The following CDK5RAP2 variants were observed in gnomAD, a reference collection of about 807,000 sequenced individuals.
The protein encoded by CDK5RAP2 is CDK5 regulatory subunit associated protein 2.
A neutral mutation model predicts 232.9 loss-of-function variants in CDK5RAP2; 147 were observed. The observed-to-expected ratio is 0.63, with a 90% CI of 0.55 to 0.72. The LOEUF is 0.72. CDK5RAP2 is among the 30% of genes least tolerant of loss of function. The probability of loss-of-function intolerance (pLI) is 0.00; values close to 1 mark genes in which losing one functional copy is unlikely to be tolerated. For missense variants in CDK5RAP2, 2,195 were observed against 2,231.5 expected, an observed-to-expected ratio of 0.98 and a Z score of 0.33; for synonymous variants, 833 against 833.7, an observed-to-expected ratio of 1.00 and a Z score of 0.01.
intron 35 of CDK5RAP2, among the ~76,000 whole-genome samples, chr9:120,399,469 C>G (rs975705926): frequency 6.6e-6 from 1 of 152,192 alleles, no homozygotes; most frequent in Non-Finnish European, 1.5e-5. Context: ...ACAATTATAA[C>G]TTGTTGAAAG....
rs111788955 is a variant in CDK5RAP2 at position 120,470,629 on chromosome 9, A to G, written c.1859-409T>C. Among the ~76,000 whole-genome samples, 294 of 152,098 alleles carry G rather than the reference A, an allele frequency of 1.9e-3. 2 individuals carry two copies. The highest frequency in any genetic ancestry group is 6.3e-3 in the African/African-American group (259 of 41,426). ...CCCTCAAGGGTAGAACTCAAGGGAG[A>G]TAAAAGTGTCTGATCATTTTTTTTT... On this transcript the variant is annotated intron_variant, in intron 16 of 37. Transcript: ENST00000349780.
intron 22 of CDK5RAP2, among the ~76,000 whole-genome samples, chr9:120,446,544 G>T (rs1159672977): frequency 6.6e-6 from 1 of 152,110 alleles, no homozygotes; most frequent in Non-Finnish European, 1.5e-5. Flanking sequence ...CCCACTTTAA[G>T]GCTTAAGTCA....
chr9:120,574,831 T>C (rs2042972498), intron 1 of CDK5RAP2, among the ~76,000 whole-genome samples: 1 of 151,674 alleles, frequency 6.6e-6, no homozygotes, highest in South Asian at 2.1e-4. Flanking sequence ...CTTTTTTTTT[T>C]TTTTTTTTAA....
intron 25 of CDK5RAP2, among the ~76,000 whole-genome samples, chr9:120,431,028 C>G (rs546687827): frequency 1.3e-5 from 2 of 152,046 alleles, no homozygotes; most frequent in African/African-American, 4.8e-5. Flanking sequence ...AACCAAACAC[C>G]GCATGTTCTC....
Position 120,439,661 on chromosome 9 carries a change from G to T in CDK5RAP2, c.3460C>A (p.Gln1154Lys). 1 of 1,614,156 alleles carries T rather than the reference G, an allele frequency of 6.2e-7. No homozygotes were observed. Among genetic ancestry groups the T allele is most frequent in the Non-Finnish European group, 8.5e-7 (1 of 1,180,016 alleles). The change falls in exon 24 of 38, where the codon CAG becomes AAG. Residue 1154 changes from glutamine (Q) to lysine (K), a missense_variant. Transcript: ENST00000349780. ...ITVLCGTEGAQDGLSKPKNGS... is the reference protein window; with the variant it reads ...ITVLCGTEGAKDGLSKPKNGS... ...TTCTTGGGCTTGCTCAAGCCATCCT[G>T]GGCCCCTTCTGTCCCACACAAAACT...
At chr9:120,470,259 G>C in intron 16 of CDK5RAP2, 39 bp from the exon 17 acceptor site, 1 of 993,324 alleles carries the variant, frequency 1.0e-6, no homozygotes, top group Non-Finnish European at 1.5e-6. Context: ...GGAGGGGGAG[G>C]AGAAAAAGAA....
chr9:120,443,466 T>C (rs2036011586), intron 23 of CDK5RAP2, among the ~76,000 whole-genome samples, 154 bp downstream of exon 23: 1 of 152,202 alleles, frequency 6.6e-6, no homozygotes, highest in Non-Finnish European at 1.5e-5. Context: ...GGGTCAATTA[T>C]TTCTTAAAAC....
chr9:120,423,484 A>G (rs967052886), intron 25 of CDK5RAP2, among the ~76,000 whole-genome samples: 2 of 152,218 alleles, frequency 1.3e-5, no homozygotes, highest in Non-Finnish European at 2.9e-5. Flanking sequence ...AGGGGAAATG[A>G]TTTAAAAAAA....
intron 21 of CDK5RAP2, 46 bp downstream of exon 21, chr9:120,453,410 T>G: frequency 6.5e-7 from 1 of 1,544,942 alleles, no homozygotes; most frequent in Non-Finnish European, 8.8e-7. Flanking sequence ...TTAAAGTTTT[T>G]TGTTTGGATA....
At chr9:120,413,784 A>G (rs1335617402) in intron 28 of CDK5RAP2, among the ~76,000 whole-genome samples, 1 of 141,200 alleles carries the variant, frequency 7.1e-6, no homozygotes, top group Non-Finnish European at 1.5e-5. Context: ...AGGGGGGTAT[A>G]TGCAGGAAAT....
chr9:120,514,415 G>A (rs1451525262), intron 12 of CDK5RAP2, among the ~76,000 whole-genome samples: 3 of 152,140 alleles, frequency 2.0e-5, no homozygotes, highest in Non-Finnish European at 4.4e-5. Flanking sequence ...ATAAGCATGT[G>A]ACCCAAATTG....
chr9:120,407,962 G>A, intron 31 of CDK5RAP2: 1 of 302,994 alleles, frequency 3.3e-6, no homozygotes, highest in Non-Finnish European at 6.5e-6. Context: ...CTATGTGTCA[G>A]GTATCTTGCT....
chr9:120,439,613 T>A lies in CDK5RAP2; in HGVS notation c.3508A>T (p.Thr1170Ser). 1 of 1,614,160 alleles carries A rather than the reference T, an allele frequency of 6.2e-7. No homozygotes were observed. The highest frequency in any genetic ancestry group is 8.5e-7 in the Non-Finnish European group (1 of 1,180,030). Residue 1170 changes from threonine to serine, a missense_variant, in exon 24 of 38, where the codon ACC (threonine) becomes TCC (serine). Coordinates refer to ENST00000349780, the MANE Select transcript of CDK5RAP2 (RefSeq NM_018249.6). ...PKNGSDGEEM[T>S]FSSLHQVRYV... ...CGCACTTGGTGCAAACTTGAAAAGG[T>A]CATTTCTTCCCCATCAGAACCATTC...
chr9:120,425,970 A>G (rs1029922090), intron 25 of CDK5RAP2, among the ~76,000 whole-genome samples: 2 of 152,206 alleles, frequency 1.3e-5, no homozygotes, highest in Non-Finnish European at 2.9e-5. Flanking sequence ...AGAGGAGACA[A>G]ACAGAATCTG....
chr9:120,420,549 C>T (rs1588287672), intron 26 of CDK5RAP2, among the ~76,000 whole-genome samples: 1 of 151,896 alleles, frequency 6.6e-6, no homozygotes, highest in Non-Finnish European at 1.5e-5. Context: ...TAGCAATCAT[C>T]TGGTTATTAA....
At chr9:120,563,157 G>GCCATT (rs2042522235) in intron 3 of CDK5RAP2, among the ~76,000 whole-genome samples, 1 of 152,128 alleles carries the variant, frequency 6.6e-6, no homozygotes, top group Non-Finnish European at 1.5e-5. Context: ...TCAAGTTGAG[G>GCCATT]CAAGAAGGTC....
In CDK5RAP2 at chr9:120,415,114, C is replaced by T. The variant is rs1014026370; in HGVS notation, c.4223G>A (p.Arg1408His). ...HIQEIRTLRK[R>H]LEESIKTNEK... The stretch of plus-strand genomic sequence containing the variant: ...ATTTGTTTTAATAGATTCTTCTAAA[C>T]GCTTTCTCAAAGTTCGAATTTCCTG... Residue 1408 changes from arginine (R) to histidine (H), a missense_variant, in exon 28 of 38, where the codon CGT (arginine) becomes CAT (histidine). Coordinates refer to ENST00000349780, the MANE Select transcript of CDK5RAP2 (RefSeq NM_018249.6). 28 of 1,614,048 alleles carry T rather than the reference C, an allele frequency of 1.7e-5. No homozygotes were observed. The highest frequency in any genetic ancestry group is 1.6e-4 in the Middle Eastern group (1 of 6,062).
At chr9:120,394,111 C>T (rs904342088) in intron 36 of CDK5RAP2, among the ~76,000 whole-genome samples, 4 of 152,198 alleles carry the variant, frequency 2.6e-5, no homozygotes, top group African/African-American at 9.7e-5. Flanking sequence ...CATGCTCTTC[C>T]CTGAGGGACT....
At chr9:120,442,180 G>C (rs2035939529) in intron 23 of CDK5RAP2, among the ~76,000 whole-genome samples, 1 of 152,168 alleles carries the variant, frequency 6.6e-6, no homozygotes, top group Admixed American at 6.5e-5. Context: ...TGAGGCTTAG[G>C]GAGCTTAAGA....
Sources: allele counts gnomAD v4.1 joint callset (sites outside exome capture counted in the v4.1 genomes callset), GRCh38; gene constraint gnomAD v4.1.1; transcripts MANE v1.5; gene names NCBI Gene and HGNC (gene_info 2026-07-23, HGNC 2026-07-21).